SLC4A10: variants seen among roughly 807,000 people sequenced by gnomAD.
The protein encoded by SLC4A10 is sodium-driven chloride bicarbonate exchanger.
In SLC4A10, 42 loss-of-function variants were observed where a neutral mutation model predicts 137.7. The ratio of observed to expected loss-of-function variants is 0.30; its 90% CI spans 0.24 to 0.39. SLC4A10 has a LOEUF of 0.39. SLC4A10 is among the 10% of genes least tolerant of loss of function. The pLI is 1.00. For synonymous variants in SLC4A10, 474 were observed against 464.1 expected, an observed-to-expected ratio of 1.02 and a Z score of -0.27; for missense variants, 925 against 1,355.0, an observed-to-expected ratio of 0.68 and a Z score of 4.98.
At chr2:161,754,989 A>G (rs2049445135) in intron 1 of SLC4A10, among the ~76,000 whole-genome samples, 1 of 152,200 alleles carries the variant, frequency 6.6e-6, no homozygotes, top group South Asian at 2.1e-4. Flanking sequence ...ACTTGAACCT[A>G]GACACCAAAA....
At chr2:161,726,219 TAGTAAG>T (rs1250054711) in intron 1 of SLC4A10, among the ~76,000 whole-genome samples, 3 of 152,160 alleles carry the variant, frequency 2.0e-5, no homozygotes, top group African/African-American at 7.2e-5. Context: ...TGAATAATAA[TAGTAAG>T]AGTAACTATC....
At chr2:161,895,995 A>G (rs1294562747) in intron 11 of SLC4A10, among the ~76,000 whole-genome samples, 1 of 151,154 alleles carries the variant, frequency 6.6e-6, no homozygotes, top group African/African-American at 2.4e-5. Context: ...GCCCATGCCT[A>G]TGTCCTGAAT....
intron 2 of SLC4A10, among the ~76,000 whole-genome samples, chr2:161,800,131 C>T (rs1053022398): frequency 6.6e-6 from 1 of 152,014 alleles, no homozygotes; most frequent in African/African-American, 2.4e-5. Context: ...GGGTCTCTGT[C>T]TATTCAGTCC....
chr2:161,905,962 G>A, intron 15 of SLC4A10, 75 bp downstream of exon 15: 3 of 1,493,756 alleles, frequency 2.0e-6, no homozygotes, highest in Non-Finnish European at 2.7e-6. Context: ...GAAATATGAG[G>A]AAATTACTCA....
chr2:161,727,696 A>T (rs996985552), intron 1 of SLC4A10, among the ~76,000 whole-genome samples: 3 of 152,174 alleles, frequency 2.0e-5, no homozygotes, highest in Non-Finnish European at 2.9e-5. Context: ...GAAAATAAAG[A>T]TGAGGTAATC....
At chr2:161,964,892 AAGC>A (rs1697319444) in intron 22 of SLC4A10, among the ~76,000 whole-genome samples, 156 bp from the exon 23 acceptor site, 1 of 152,160 alleles carries the variant, frequency 6.6e-6, no homozygotes, top group African/African-American at 2.4e-5. Flanking sequence ...AAAATGAAGG[AAGC>A]AGAAGACTAG....
chr2:161,825,379 C>T (rs1192496894), intron 3 of SLC4A10, among the ~76,000 whole-genome samples: 1 of 152,138 alleles, frequency 6.6e-6, no homozygotes, highest in African/African-American at 2.4e-5. Context: ...GCTACTGTGG[C>T]AAGTTAATGT....
At chr2:161,745,332 G>T (rs1000804849) in intron 1 of SLC4A10, among the ~76,000 whole-genome samples, 1 of 152,064 alleles carries the variant, frequency 6.6e-6, no homozygotes, top group Non-Finnish European at 1.5e-5. Flanking sequence ...TTCTTGATCA[G>T]TTCTGGTGTT....
intron 15 of SLC4A10, among the ~76,000 whole-genome samples, chr2:161,920,712 A>G (rs1386680675): frequency 6.6e-6 from 1 of 152,210 alleles, no homozygotes; most frequent in Non-Finnish European, 1.5e-5. Context: ...CCATGTAACA[A>G]AATTTATTTT....
intron 16 of SLC4A10, among the ~76,000 whole-genome samples, chr2:161,945,554 G>A (rs956449933): frequency 2.0e-5 from 3 of 151,362 alleles, no homozygotes; most frequent in Non-Finnish European, 4.4e-5. Context: ...ATTTGGATTT[G>A]GTTTTCATTT....
chr2:161,882,553 A>G (rs1575435452), intron 10 of SLC4A10, 109 bp downstream of exon 10: 2 of 569,566 alleles, frequency 3.5e-6, no homozygotes, highest in Non-Finnish European at 5.8e-6. Flanking sequence ...CTCTGTATTG[A>G]ATCCCATTCT....
chr2:161,891,001 ATCTC>A (rs1456354566), intron 10 of SLC4A10, among the ~76,000 whole-genome samples: 2 of 152,104 alleles, frequency 1.3e-5, no homozygotes, highest in Admixed American at 6.5e-5. Context: ...TAGTGACAAA[ATCTC>A]TCAGCATTTG....
chr2:161,624,752 TC>T (rs577653032), intron 1 of SLC4A10, among the ~76,000 whole-genome samples, 186 bp downstream of exon 1: 267 of 148,882 alleles, frequency 1.8e-3, no homozygotes, highest in Admixed American at 6.1e-3. Context: ...ACGATTCTCC[TC>T]CCCCCCCCTT....
chr2:161,854,828 A>T, intron 4 of SLC4A10, 142 bp from the exon 5 acceptor site: 1 of 681,210 alleles, frequency 1.5e-6, no homozygotes, highest in Non-Finnish European at 2.1e-6. Context: ...CAAATGGCTT[A>T]GACTAGCTTT....
intron 4 of SLC4A10, among the ~76,000 whole-genome samples, chr2:161,846,762 C>T (rs576658767): frequency 2.6e-5 from 4 of 152,166 alleles, no homozygotes; most frequent in South Asian, 2.1e-4. Context: ...TATATAACAC[C>T]GTCAAAATAA....
intron 20 of SLC4A10, among the ~76,000 whole-genome samples, chr2:161,957,608 T>C (rs1213432833): frequency 6.6e-6 from 1 of 152,210 alleles, no homozygotes; most frequent in East Asian, 1.9e-4. Context: ...TGGATAAATA[T>C]ATTAGCAGTT....
chr2:161,964,434 T>A, intron 22 of SLC4A10, 126 bp downstream of exon 22: 1 of 1,064,234 alleles, frequency 9.4e-7, no homozygotes, highest in Non-Finnish European at 1.4e-6. Context: ...ATATAAGTTT[T>A]GGCACTGAAA....
intron 1 of SLC4A10, among the ~76,000 whole-genome samples, chr2:161,743,513 TTACTA>T (rs1329965481): frequency 2.6e-5 from 4 of 152,198 alleles, no homozygotes; most frequent in Non-Finnish European, 5.9e-5. Flanking sequence ...ACTGTTTTGG[TTACTA>T]TAGCTCTATA....
intron 3 of SLC4A10, among the ~76,000 whole-genome samples, chr2:161,814,276 A>C (rs1423192474): frequency 1.3e-5 from 2 of 152,180 alleles, no homozygotes; most frequent in East Asian, 3.9e-4. Context: ...GTTAAAAAAT[A>C]ACAGATTCTG....
Sources: allele counts gnomAD v4.1 joint callset (sites outside exome capture counted in the v4.1 genomes callset), GRCh38; gene constraint gnomAD v4.1.1; transcripts MANE v1.5; gene names NCBI Gene and HGNC (gene_info 2026-07-23, HGNC 2026-07-21).